CLNK: variants seen among roughly 807,000 people sequenced by gnomAD.
CLNK encodes the protein cytokine-dependent hematopoietic cell linker.
Under a neutral mutation model 68.6 loss-of-function variants are expected in CLNK, and 74 were observed. The ratio of observed to expected loss-of-function variants is 1.08; its 90% confidence interval spans 0.89 to 1.31. The LOEUF (loss-of-function observed/expected upper bound fraction) is 1.31. Among genes scored for constraint, CLNK ranks in the 50% most tolerant of loss-of-function variants. CLNK has a pLI of 0.00. For missense variants in CLNK, 553 were observed against 515.3 expected (o/e 1.07, Z -0.71); for synonymous variants, 198 against 172.2 (o/e 1.15, Z -1.17).
At chr4:10,591,125 T>A (rs1190475713) in intron 3 of CLNK, among the ~76,000 whole-genome samples, 1 of 152,128 alleles carries the variant, frequency 6.6e-6, no homozygotes, top group Non-Finnish European at 1.5e-5. Flanking sequence ...GAGGGATGAA[T>A]GAGCAAAGCC....
chr4:10,674,345 C>T (rs1460090535), intron 1 of CLNK, among the ~76,000 whole-genome samples: 2 of 152,206 alleles, frequency 1.3e-5, no homozygotes, highest in African/African-American at 4.8e-5. Context: ...CACCACTGTA[C>T]TGAGTGCTAG....
At chr4:10,522,125 G>A (rs1205605208) in intron 14 of CLNK, among the ~76,000 whole-genome samples, 1 of 151,900 alleles carries the variant, frequency 6.6e-6, no homozygotes, top group Non-Finnish European at 1.5e-5. Flanking sequence ...GGGCATGGTG[G>A]TGGGCACCTG....
intron 8 of CLNK, among the ~76,000 whole-genome samples, chr4:10,547,394 TC>T (rs1361401041): frequency 6.6e-6 from 1 of 152,196 alleles, no homozygotes; most frequent in Non-Finnish European, 1.5e-5. Context: ...ATCCATGAAA[TC>T]AACACCACCG....
At chr4:10,497,710 A>G (rs947079202) in intron 18 of CLNK, among the ~76,000 whole-genome samples, 1 of 152,214 alleles carries the variant, frequency 6.6e-6, no homozygotes, top group Non-Finnish European at 1.5e-5. Flanking sequence ...TAACTATCTC[A>G]GGTCTCAGTT....
At chr4:10,562,457 G>C (rs962135695) in intron 7 of CLNK, among the ~76,000 whole-genome samples, 16 of 152,146 alleles carry the variant, frequency 1.1e-4, no homozygotes, top group Non-Finnish European at 1.9e-4. Context: ...CCAGGCTGGA[G>C]TGCAGTGGTG....
rs567354418 is a variant in CLNK at position 10,671,039 on chromosome 4, T to G, written c.-42-3128A>C. On this transcript the variant is annotated intron_variant, in intron 1 of 18. Coordinates refer to ENST00000226951, the MANE Select transcript of CLNK (RefSeq NM_052964.4). The stretch of plus-strand genomic sequence containing the variant: ...TGAGAGATGCAAGCACTTTATTGTA[T>G]AAGAGTTTAAAAATATTATAGAGAG... Among the ~76,000 whole-genome samples, 3 of 152,350 alleles carry G rather than the reference T, an allele frequency of 2.0e-5. No homozygotes were observed. The South Asian group carries it at 6.2e-4, about 32-fold the overall frequency.
the CLNK span, among the ~76,000 whole-genome samples, chr4:10,731,534 A>G: frequency 5.3e-5 from 8 of 152,210 alleles, no homozygotes; most frequent in Non-Finnish European, 2.9e-5. Flanking sequence ...ATTCTTCCTA[A>G]GAGGAACTCT....
At chr4:10,690,028 A>T in the CLNK span, among the ~76,000 whole-genome samples, 1 of 152,128 alleles carries the variant, frequency 6.6e-6, no homozygotes, top group Admixed American at 6.5e-5. Flanking sequence ...AGCTGAAGTC[A>T]TGTCCTCTGC....
At chr4:10,609,201 C>T (rs927145254) in intron 2 of CLNK, among the ~76,000 whole-genome samples, 1 of 152,220 alleles carries the variant, frequency 6.6e-6, no homozygotes, top group Non-Finnish European at 1.5e-5. Context: ...TCCCCATACT[C>T]CTACCTTTAT....
chr4:10,650,078 T>C (rs1723667737), intron 2 of CLNK, among the ~76,000 whole-genome samples: 2 of 151,950 alleles, frequency 1.3e-5, no homozygotes, highest in African/African-American at 4.8e-5. Flanking sequence ...AAAATAAAAA[T>C]GAGACATAAA....
At chr4:10,653,882 T>C (rs1358869198) in intron 2 of CLNK, among the ~76,000 whole-genome samples, 3 of 152,202 alleles carry the variant, frequency 2.0e-5, no homozygotes, top group Non-Finnish European at 4.4e-5. Flanking sequence ...CAAACACGTA[T>C]GTAGAAAAAT....
intron 14 of CLNK, among the ~76,000 whole-genome samples, chr4:10,521,940 GA>G (rs1271095052): frequency 1.3e-5 from 2 of 151,978 alleles, no homozygotes; most frequent in African/African-American, 4.8e-5. Context: ...AATATAAGGG[GA>G]AAAAATAAAA....
intron 7 of CLNK, among the ~76,000 whole-genome samples, chr4:10,559,081 T>A: frequency 6.6e-6 from 1 of 152,320 alleles, no homozygotes; most frequent in East Asian, 1.9e-4. Flanking sequence ...TGTATCACTA[T>A]TAATATTATT....
At chr4:10,729,369 A>G in the CLNK span, among the ~76,000 whole-genome samples, 1 of 152,204 alleles carries the variant, frequency 6.6e-6, no homozygotes, top group African/African-American at 2.4e-5. Flanking sequence ...TTTCTCAAAC[A>G]ACTGAAACAA....
intron 2 of CLNK, among the ~76,000 whole-genome samples, chr4:10,600,687 A>G (rs1376766319): frequency 6.6e-6 from 1 of 152,238 alleles, no homozygotes; most frequent in Non-Finnish European, 1.5e-5. Context: ...AGATGCAAAT[A>G]CATAAATAAC....
chr4:10,651,464 C>T (rs771909855), intron 2 of CLNK, among the ~76,000 whole-genome samples: 5 of 152,126 alleles, frequency 3.3e-5, no homozygotes, highest in South Asian at 4.1e-4. Flanking sequence ...AACCTAACTC[C>T]GTATGTTCTC....
intron 7 of CLNK, 52 bp from the exon 8 acceptor site, chr4:10,558,504 A>G (rs1719765263): frequency 6.5e-7 from 1 of 1,534,488 alleles, no homozygotes; most frequent in Non-Finnish European, 9.0e-7. Context: ...CTATGACACT[A>G]TCTGATGTCT....
chr4:10,618,138 T>C (rs1195573956), intron 2 of CLNK, among the ~76,000 whole-genome samples: 8 of 152,294 alleles, frequency 5.3e-5, no homozygotes, highest in Admixed American at 3.9e-4. Context: ...TGCCTATAAA[T>C]TGGTGAGTAG....
intron 4 of CLNK, among the ~76,000 whole-genome samples, chr4:10,581,572 A>C (rs1163471476): frequency 6.6e-6 from 1 of 152,178 alleles, no homozygotes; most frequent in Non-Finnish European, 1.5e-5. Context: ...TTGGAAGTTT[A>C]CTTCTGTTCT....
Sources: gnomAD v4.1 joint callset for allele counts (sites outside exome capture counted in the v4.1 genomes callset) on GRCh38, gnomAD v4.1.1 for gene constraint, MANE v1.5 for transcripts, NCBI Gene and HGNC (gene_info 2026-07-23, HGNC 2026-07-21) for gene names.